Variants in NRCAM observed in about 807,000 individuals in gnomAD.
NRCAM encodes NgCAM-related cell adhesion molecule.
NRCAM carries 83 observed loss-of-function variants against 156.5 expected under a neutral mutation model. That is an observed-to-expected ratio of 0.53 (90% CI 0.44 to 0.64). The LOEUF (loss-of-function observed/expected upper bound fraction) is 0.64, where lower values mean the gene tolerates loss of function less well. Ranked by LOEUF, NRCAM falls within the 30% of genes least tolerant of loss-of-function variation. NRCAM has a pLI of 0.00. For missense variants in NRCAM, 1,417 were observed against 1,597.3 expected, an observed-to-expected ratio of 0.89 and a Z score of 1.92; for synonymous variants, 538 against 563.9, an observed-to-expected ratio of 0.95 and a Z score of 0.65.
At chr7:108,310,151 C>T (rs74974294) in intron 3 of NRCAM, among the ~76,000 whole-genome samples, 2,612 of 152,254 alleles carry the variant, frequency 0.017, 75 homozygotes, top group African/African-American at 0.06. Context: ...TCATACACAG[C>T]TTGCTGCCAA....
chr7:108,438,401 C>CA (rs1423539418), intron 1 of NRCAM, among the ~76,000 whole-genome samples: 1 of 151,932 alleles, frequency 6.6e-6, no homozygotes, highest in African/African-American at 2.4e-5. Flanking sequence ...GAATAAATGA[C>CA]AAAAATCACA....
At chr7:108,162,225 A>G (rs1388531931) in intron 30 of NRCAM, among the ~76,000 whole-genome samples, 1 of 152,238 alleles carries the variant, frequency 6.6e-6, no homozygotes, top group Admixed American at 6.5e-5. Context: ...ATGCATTCCT[A>G]AAAACAATCC....
chr7:108,438,521 C>G (rs1000373705), intron 1 of NRCAM, among the ~76,000 whole-genome samples: 4 of 152,060 alleles, frequency 2.6e-5, no homozygotes, highest in Non-Finnish European at 4.4e-5. Flanking sequence ...TAAATGACTT[C>G]TATTAAAAAA....
rs73422141 is a variant in NRCAM, at chr7:108,377,249, G to C, written c.-174+22187C>G. ...AAATTTGAGCATTAGGAAATTTATA[G>C]CCAATACAAACACACACACAAAAAC... On this transcript the variant is annotated intron_variant, in intron 2 of 32. Transcript: ENST00000379028. Among the ~76,000 whole-genome samples the C allele has an allele frequency of 7.8e-3, 1,186 of 152,186 alleles. 18 individuals carry two copies. Among genetic ancestry groups the C allele is most frequent in the African/African-American group, 0.028 (1,147 of 41,538 alleles).
At position 108,234,855 on chromosome 7, in the gene NRCAM, G is replaced by T. The variant is rs756295764; in HGVS notation, c.125-167C>A. On this transcript the variant is annotated intron_variant, in intron 5 of 32. Coordinates refer to ENST00000379028, the MANE Select transcript of NRCAM (RefSeq NM_001037132.4). Reference sequence around the variant, plus strand: ...ACTTCAGTAGATTTTTCTGCTAAAGGTCTGCTAAAACTGTGAAGTCAAGGT... The same window carrying T: ...ACTTCAGTAGATTTTTCTGCTAAAGTTCTGCTAAAACTGTGAAGTCAAGGT... The T allele has an allele frequency of 1.6e-5, 12 of 756,772 alleles. No individual in the cohort carries two copies. In the Admixed American group the frequency reaches 1.9e-4, roughly 12 times the overall value. The allele number at this position is 756,772 out of a possible 1,614,324, so 46.9% of individuals were successfully genotyped here. A position where few individuals can be genotyped will look rare whatever the true frequency, so the allele number is the denominator to read the frequency against.
At chr7:108,355,999 A>C (rs2099492820) in intron 2 of NRCAM, among the ~76,000 whole-genome samples, 1 of 148,536 alleles carries the variant, frequency 6.7e-6, no homozygotes, top group African/African-American at 2.5e-5. Flanking sequence ...TGGAGGATGG[A>C]GTGTAGTGGC....
chr7:108,410,009 G>A (rs1299157071), intron 1 of NRCAM, among the ~76,000 whole-genome samples: 1 of 152,012 alleles, frequency 6.6e-6, no homozygotes, highest in South Asian at 2.1e-4. Flanking sequence ...CCACCACCTT[G>A]TTTGTTTTTA....
chr7:108,152,172 A>G (rs2042040406), intron 32 of NRCAM, among the ~76,000 whole-genome samples: 1 of 152,212 alleles, frequency 6.6e-6, no homozygotes, highest in Non-Finnish European at 1.5e-5. Flanking sequence ...TATGCAAAGT[A>G]TAGAGCTGAG....
intron 2 of NRCAM, among the ~76,000 whole-genome samples, chr7:108,347,372 C>T (rs972200332): frequency 1.3e-5 from 2 of 152,090 alleles, no homozygotes; most frequent in Non-Finnish European, 2.9e-5. Flanking sequence ...TAGAAATTTA[C>T]AATGTATCTC....
intron 28 of NRCAM, among the ~76,000 whole-genome samples, chr7:108,169,815 T>TA (rs1440768451): frequency 6.6e-6 from 1 of 152,206 alleles, no homozygotes; most frequent in Non-Finnish European, 1.5e-5. Flanking sequence ...TTAATTTTCT[T>TA]AAAAAATTTT....
At chr7:108,164,415 A>G (rs943809007) in intron 30 of NRCAM, among the ~76,000 whole-genome samples, 5 of 152,150 alleles carry the variant, frequency 3.3e-5, no homozygotes, top group Admixed American at 1.3e-4. Context: ...AACTATAGAT[A>G]AAGTTGAGTC....
chr7:108,171,546 T>G (rs963636408), intron 28 of NRCAM, among the ~76,000 whole-genome samples: 1 of 152,136 alleles, frequency 6.6e-6, no homozygotes, highest in African/African-American at 2.4e-5. Context: ...CTGACTCATC[T>G]GACAAAAATA....
chr7:108,169,670 A>G (rs2057246211), intron 28 of NRCAM, among the ~76,000 whole-genome samples: 1 of 152,230 alleles, frequency 6.6e-6, no homozygotes, highest in African/African-American at 2.4e-5. Flanking sequence ...AATTATGCAG[A>G]GTCCTTCTGT....
intron 3 of NRCAM, among the ~76,000 whole-genome samples, chr7:108,267,491 T>A (rs1439080638): frequency 6.6e-6 from 1 of 152,196 alleles, no homozygotes; most frequent in Non-Finnish European, 1.5e-5. Context: ...TAAATAATGA[T>A]GTTTGATTAC....
At chr7:108,291,814 G>T (rs1253312395) in intron 3 of NRCAM, among the ~76,000 whole-genome samples, 2 of 152,128 alleles carry the variant, frequency 1.3e-5, no homozygotes, top group Non-Finnish European at 2.9e-5. Context: ...TTTAAAAAAA[G>T]GATCTGAAAT....
chr7:108,393,596 C>A (rs2099768324), intron 2 of NRCAM, among the ~76,000 whole-genome samples: 1 of 152,106 alleles, frequency 6.6e-6, no homozygotes, highest in Non-Finnish European at 1.5e-5. Flanking sequence ...CTGTCCTGCA[C>A]CCCTGTCCGA....
intron 2 of NRCAM, among the ~76,000 whole-genome samples, chr7:108,337,622 C>A (rs182280881): frequency 6.6e-6 from 1 of 152,164 alleles, no homozygotes; most frequent in Non-Finnish European, 1.5e-5. Context: ...TCTTCCATGA[C>A]CCACGGCTTT....
chr7:108,209,976 C>T (rs2083196926), intron 11 of NRCAM, among the ~76,000 whole-genome samples: 1 of 152,056 alleles, frequency 6.6e-6, no homozygotes, highest in Non-Finnish European at 1.5e-5. Flanking sequence ...ATTAATGATA[C>T]TGAATTATAA....
intron 1 of NRCAM, among the ~76,000 whole-genome samples, chr7:108,433,172 T>C (rs1261445728): frequency 6.6e-6 from 1 of 152,058 alleles, no homozygotes; most frequent in East Asian, 1.9e-4. Context: ...AGCTTGAAGG[T>C]CCAAGCTTTC....
Sources: gnomAD v4.1 joint callset for allele counts (sites outside exome capture counted in the v4.1 genomes callset) on GRCh38, gnomAD v4.1.1 for gene constraint, MANE v1.5 for transcripts, NCBI Gene and HGNC (gene_info 2026-07-23, HGNC 2026-07-21) for gene names.